The following TJP1 variants were observed in gnomAD, a reference collection of about 807,000 sequenced individuals.
TJP1 encodes the protein tight junction protein ZO-1.
TJP1 carries 43 observed loss-of-function variants against 194.2 expected under a neutral mutation model. The ratio of observed to expected loss-of-function variants is 0.22; its 90% CI spans 0.17 to 0.29. The LOEUF (loss-of-function observed/expected upper bound fraction) is 0.29, where lower values mean the gene tolerates loss of function less well. TJP1 is among the 10% of genes least tolerant of loss of function. The pLI is 1.00. For synonymous variants in TJP1, 801 were observed against 779.0 expected (o/e 1.03, Z -0.47); for missense variants, 1,971 against 2,185.7 (o/e 0.90, Z 1.96).
intron 2 of TJP1, among the ~76,000 whole-genome samples, chr15:29,900,355 G>GTGC (rs1167973200): frequency 3.3e-5 from 5 of 152,200 alleles, no homozygotes; most frequent in Non-Finnish European, 5.9e-5. Context: ...AAATAACATA[G>GTGC]TGCAGCTTAC....
At chr15:29,766,098 A>G (rs1453951007) in intron 5 of TJP1, among the ~76,000 whole-genome samples, 168 bp downstream of exon 5, 2 of 152,244 alleles carry the variant, frequency 1.3e-5, no homozygotes, top group African/African-American at 2.4e-5. Context: ...TCCAACGGAA[A>G]AAATGAACAG....
At chr15:29,723,379 G>C (rs747581939) in intron 18 of TJP1, among the ~76,000 whole-genome samples, 10 of 152,162 alleles carry the variant, frequency 6.6e-5, no homozygotes, top group Non-Finnish European at 1.3e-4. Context: ...TTAAAAGTGT[G>C]TAGTACTCCC....
chr15:29,813,801 C>G (rs1859418070), intron 1 of TJP1, among the ~76,000 whole-genome samples: 1 of 152,168 alleles, frequency 6.6e-6, no homozygotes, highest in Non-Finnish European at 1.5e-5. Context: ...TTAAAATGCC[C>G]TATCAGTACA....
Position 29,861,734 on chromosome 15 carries a change from G to A in TJP1, c.307-61032C>T, listed in dbSNP as rs996446229. 2.0e-5 allele frequency among the ~76,000 whole-genome samples: 3 copies of A among 152,168 alleles called. No individual in the cohort carries two copies. The South Asian group carries it at 6.2e-4, about 31-fold the overall frequency. ...GCAAACATTGTCTCCCACACTGTGG[G>A]TTGTCTTTTCAATTTATTTATTTTG... On this transcript the variant is annotated intron_variant, in intron 2 of 28. Transcript: ENST00000356107.
At chr15:29,702,624 A>G (rs965000269) in intron 27 of TJP1, among the ~76,000 whole-genome samples, 1 of 152,196 alleles carries the variant, frequency 6.6e-6, no homozygotes, top group Non-Finnish European at 1.5e-5. Flanking sequence ...AGGGCCCTAC[A>G]ACAATCATTT....
rs148920982 is a variant in TJP1, at chr15:29,781,283, A to ATC, written c.85-7928_85-7927dup. 4.0e-3 allele frequency among the ~76,000 whole-genome samples: 612 copies of ATC among 152,288 alleles called. 15 individuals are homozygous for ATC. In the East Asian group the frequency reaches 0.076, roughly 19 times the overall value. ...CCAAGACTGAACCAGGAGAAACTGA[A>ATC]TCTCTGAACATACCAGTAACAAACG... On this transcript the variant is annotated intron_variant, in intron 2 of 27. Transcript: ENST00000614355.
intron 2 of TJP1, among the ~76,000 whole-genome samples, chr15:29,892,499 G>A (rs922251384): frequency 7.2e-5 from 11 of 152,210 alleles, no homozygotes; most frequent in African/African-American, 2.7e-4. Flanking sequence ...GACTTTCATA[G>A]CTAGAATGGA....
intron 4 of TJP1, 77 bp downstream of exon 4, chr15:29,771,987 G>C: frequency 2.2e-6 from 2 of 910,586 alleles, no homozygotes; most frequent in Non-Finnish European, 3.3e-6. Flanking sequence ...AAATGGGAAG[G>C]ATAAATTCAA....
At chr15:29,947,125 C>T (rs12905328) in intron 2 of TJP1, among the ~76,000 whole-genome samples, 31,789 of 151,954 alleles carry the variant, frequency 0.21, 3,692 homozygotes, top group East Asian at 0.49. Context: ...CTAAATCATG[C>T]AACATAAAAT....
intron 1 of TJP1, among the ~76,000 whole-genome samples, chr15:29,966,634 T>C (rs2056343311): frequency 6.7e-6 from 1 of 149,212 alleles, no homozygotes; most frequent in Non-Finnish European, 1.5e-5. Flanking sequence ...ATTGAGAAGC[T>C]TTCTGGTACA....
rs574296474 is a variant in TJP1, at chr15:29,788,588, C to A, written c.84+12058G>T. 2.6e-5 allele frequency among the ~76,000 whole-genome samples: 4 copies of A among 152,262 alleles called. No homozygotes were observed. In the East Asian group the frequency reaches 7.7e-4, roughly 29 times the overall value. On this transcript the variant is annotated intron_variant, in intron 2 of 27. Transcript: ENST00000614355. The stretch of plus-strand genomic sequence containing the variant: ...TTCCCTCCAGTGCATTGCCTTGGCA[C>A]CCCATCCCAAGTTTACCTCTTATGC...
chr15:29,760,994 T>C, intron 8 of TJP1, 145 bp downstream of exon 8: 2 of 1,099,354 alleles, frequency 1.8e-6, no homozygotes, highest in South Asian at 4.0e-5. Flanking sequence ...ATTTTAGATT[T>C]AAAAAATGTC....
At chr15:29,827,201 C>T (rs1264760895), upstream of TJP1, among the ~76,000 whole-genome samples, 1 of 152,202 alleles carries the variant, frequency 6.6e-6, no homozygotes, top group African/African-American at 2.4e-5. Context: ...CAGATCCAGT[C>T]ATGGAGGTTT....
At chr15:29,846,725 A>C (rs2051425208) in intron 2 of TJP1, among the ~76,000 whole-genome samples, 1 of 152,062 alleles carries the variant, frequency 6.6e-6, no homozygotes, top group Non-Finnish European at 1.5e-5. Context: ...GGAGATCGAG[A>C]CCATCCTGGC....
chr15:29,720,326 T>C, intron 19 of TJP1, 32 bp downstream of exon 19: 1 of 1,494,728 alleles, frequency 6.7e-7, no homozygotes, highest in Non-Finnish European at 9.0e-7. Context: ...AATGCACCTC[T>C]ATCTACAAAA....
At position 29,760,061 on chromosome 15, in the gene TJP1, C is replaced by T. The variant is rs146998292; in HGVS notation, c.1010+1078G>A. ...CCTCCATACTGTTTTCCAGAATGGC[C>T]GTATCAATTACATTCTCATCAACAA... is the stretch of plus-strand genomic sequence containing the variant. On this transcript the variant is annotated intron_variant, in intron 8 of 27. Coordinates refer to ENST00000614355, the MANE Select transcript of TJP1 (RefSeq NM_001330239.4). The T allele has an allele frequency of 2.1e-4, 112 of 533,506 alleles. 4 individuals carry two copies. Among genetic ancestry groups the T allele is most frequent in the African/African-American group, 2.0e-3 (101 of 51,516 alleles). The allele number at this position is 533,506 out of a possible 1,614,324, so 33.0% of individuals were successfully genotyped here.
chr15:29,760,514 T>A (rs1181515860), intron 8 of TJP1, among the ~76,000 whole-genome samples: 1 of 152,132 alleles, frequency 6.6e-6, no homozygotes, highest in African/African-American at 2.4e-5. Flanking sequence ...TAGCTGGGAT[T>A]ACAAGCATGT....
chr15:29,718,143 A>G, intron 21 of TJP1, 25 bp from the exon 22 acceptor site: 1 of 1,571,140 alleles, frequency 6.4e-7, no homozygotes, highest in Non-Finnish European at 8.6e-7. Context: ...AAAAAAAAAA[A>G]AGACAAATAT....
intron 2 of TJP1, among the ~76,000 whole-genome samples, chr15:29,919,628 G>T (rs1262207046): frequency 6.6e-6 from 1 of 152,234 alleles, no homozygotes; most frequent in African/African-American, 2.4e-5. Context: ...TGACCTTGGA[G>T]ACCTGAGTGC....
Sources: allele counts gnomAD v4.1 joint callset (sites outside exome capture counted in the v4.1 genomes callset), GRCh38; gene constraint gnomAD v4.1.1; transcripts MANE v1.5; gene names NCBI Gene and HGNC (gene_info 2026-07-23, HGNC 2026-07-21).